Variants in NAV3 observed in about 807,000 individuals in gnomAD.
The protein encoded by NAV3 is pore membrane and/or filament interacting like protein 1.
In NAV3, 87 loss-of-function variants were observed where a neutral mutation model predicts 244.7. That is an observed-to-expected ratio of 0.36 (90% CI 0.30 to 0.42). NAV3 has a LOEUF of 0.42. Among genes scored for constraint, NAV3 ranks in the 20% least tolerant of loss-of-function variants. The pLI is 1.00. For synonymous variants in NAV3, 1,126 were observed against 1,042.2 expected, an observed-to-expected ratio of 1.08 and a Z score of -1.55; for missense variants, 2,663 against 2,893.3, an observed-to-expected ratio of 0.92 and a Z score of 1.83.
At chr12:77,989,876 C>T (rs1327461922) in intron 5 of NAV3, among the ~76,000 whole-genome samples, 1 of 152,056 alleles carries the variant, frequency 6.6e-6, no homozygotes, top group African/African-American at 2.4e-5. Context: ...TTTTTTAAAA[C>T]ATACTAAATT....
chr12:77,777,381 T>A (rs977085093), intron 2 of NAV3, among the ~76,000 whole-genome samples: 2 of 152,192 alleles, frequency 1.3e-5, no homozygotes, highest in Non-Finnish European at 2.9e-5. Context: ...AATGCCTACA[T>A]CATGAGATGA....
At chr12:77,724,176 A>T (rs1876772354) in intron 2 of NAV3, among the ~76,000 whole-genome samples, 1 of 151,930 alleles carries the variant, frequency 6.6e-6, no homozygotes, top group African/African-American at 2.4e-5. Flanking sequence ...CTCTATTACA[A>T]ATTTCTATAA....
chr12:77,810,309 C>G (rs1198989480), intron 2 of NAV3, among the ~76,000 whole-genome samples: 4 of 152,054 alleles, frequency 2.6e-5, no homozygotes, highest in Admixed American at 2.6e-4. Flanking sequence ...GTAGCTGGGA[C>G]TACAGGCGCC....
intron 1 of NAV3, among the ~76,000 whole-genome samples, chr12:77,843,397 TTGTG>T (rs58382126): frequency 8.8e-5 from 13 of 147,872 alleles, no homozygotes; most frequent in African/African-American, 1.5e-4. Context: ...TGTTAATCAT[TTGTG>T]TGTGTGTGTG....
chr12:77,933,850 A>G (rs1362413495), intron 1 of NAV3, among the ~76,000 whole-genome samples: 2 of 152,182 alleles, frequency 1.3e-5, no homozygotes, highest in African/African-American at 2.4e-5. Context: ...TAAAAATAGT[A>G]TGTATTGTGT....
intron 2 of NAV3, among the ~76,000 whole-genome samples, chr12:77,795,842 C>T (rs895333477): frequency 7.2e-5 from 11 of 152,158 alleles, no homozygotes; most frequent in African/African-American, 2.7e-4. Flanking sequence ...GCCTGGATGG[C>T]AGCACATCTG....
intron 5 of NAV3, among the ~76,000 whole-genome samples, chr12:77,984,127 G>T (rs888328716): frequency 6.6e-6 from 1 of 152,150 alleles, no homozygotes; most frequent in African/African-American, 2.4e-5. Flanking sequence ...ACTGGGCTAA[G>T]TCCTGTGGGA....
intron 2 of NAV3, among the ~76,000 whole-genome samples, chr12:77,655,710 G>T (rs1419459737): frequency 6.6e-6 from 1 of 152,134 alleles, no homozygotes; most frequent in African/African-American, 2.4e-5. Flanking sequence ...CAGAGAGAAA[G>T]GTCGGGTTAC....
At chr12:77,632,395 C>T (rs1211620588) in intron 2 of NAV3, among the ~76,000 whole-genome samples, 8 of 152,060 alleles carry the variant, frequency 5.3e-5, no homozygotes, top group Admixed American at 1.3e-4. Context: ...TCAATCATGG[C>T]GGATGGCAAG....
intron 20 of NAV3, among the ~76,000 whole-genome samples, chr12:78,142,525 T>A (rs1040446476): frequency 1.3e-5 from 2 of 151,458 alleles, no homozygotes; most frequent in African/African-American, 4.9e-5. Context: ...ATAGTGCAAG[T>A]TTATAGAGAA....
At chr12:78,046,617 C>A (rs1278734560) in intron 9 of NAV3, among the ~76,000 whole-genome samples, 2 of 152,158 alleles carry the variant, frequency 1.3e-5, no homozygotes, top group Non-Finnish European at 2.9e-5. Context: ...GATTTCCATT[C>A]TTTTGCATTT....
Position 78,165,441 on chromosome 12 carries a change from G to T in NAV3, c.4870-3314G>T, listed in dbSNP as rs535059199. On this transcript the variant is annotated intron_variant, in intron 23 of 39. Coordinates refer to ENST00000397909, the MANE Select transcript of NAV3 (RefSeq NM_001024383.2). ...TCAGTTTTTTTTCTAAATGATTAAT[G>T]AGGATTCTCAAAACTTGAGTATCTT... 1.6e-4 allele frequency among the ~76,000 whole-genome samples: 24 copies of T among 151,838 alleles called. No homozygotes were observed. In the South Asian group the frequency reaches 5.0e-3, roughly 32 times the overall value.
At chr12:77,957,622 C>T (rs1450112422) in intron 3 of NAV3, among the ~76,000 whole-genome samples, 1 of 151,984 alleles carries the variant, frequency 6.6e-6, no homozygotes, top group Admixed American at 6.6e-5. Flanking sequence ...ATTAAAAGCA[C>T]TACATTTTTA....
intron 3 of NAV3, among the ~76,000 whole-genome samples, chr12:77,946,428 A>G (rs571907225): frequency 6.6e-6 from 1 of 152,068 alleles, no homozygotes; most frequent in Non-Finnish European, 1.5e-5. Context: ...CTTTATTAAT[A>G]TAATTACTGA....
At chr12:78,151,961 A>G (rs768229365) in intron 22 of NAV3, among the ~76,000 whole-genome samples, 2 of 151,530 alleles carry the variant, frequency 1.3e-5, no homozygotes, top group Non-Finnish European at 3.0e-5. Flanking sequence ...TCATAACGTA[A>G]CATGCTTTTC....
At chr12:77,727,843 T>A (rs575365834) in intron 2 of NAV3, among the ~76,000 whole-genome samples, 1 of 151,968 alleles carries the variant, frequency 6.6e-6, no homozygotes, top group Non-Finnish European at 1.5e-5. Context: ...TATTACATAA[T>A]GGACAACTGC....
intron 2 of NAV3, among the ~76,000 whole-genome samples, chr12:77,677,074 C>G (rs1174236962): frequency 1.3e-5 from 2 of 152,218 alleles, no homozygotes; most frequent in Non-Finnish European, 2.9e-5. Context: ...GGGATTGATT[C>G]CTCATGATCC....
intron 2 of NAV3, among the ~76,000 whole-genome samples, chr12:77,760,283 A>C (rs1315125187): frequency 6.6e-6 from 1 of 152,182 alleles, no homozygotes; most frequent in African/African-American, 2.4e-5. Flanking sequence ...TTTTATGCTG[A>C]GGCAATATCT....
intron 2 of NAV3, among the ~76,000 whole-genome samples, chr12:77,795,055 T>G (rs1448157162): frequency 2.0e-5 from 3 of 152,320 alleles, no homozygotes; most frequent in Admixed American, 6.5e-5. Flanking sequence ...TGGAAAAGAT[T>G]AAGCTTATTG....
Sources: gnomAD v4.1 joint callset for allele counts (sites outside exome capture counted in the v4.1 genomes callset) on GRCh38, gnomAD v4.1.1 for gene constraint, MANE v1.5 for transcripts, NCBI Gene and HGNC (gene_info 2026-07-23, HGNC 2026-07-21) for gene names.